Variants in MBTPS2 observed in about 807,000 individuals in gnomAD.
MBTPS2 encodes the protein membrane-bound transcription factor site-2 protease.
MBTPS2 carries 2 observed loss-of-function variants against 35.4 expected under a neutral mutation model. The ratio of observed to expected loss-of-function variants is 0.06; its 90% confidence interval spans 0.02 to 0.18. MBTPS2 has a LOEUF of 0.18. MBTPS2 is among the 10% of genes least tolerant of loss of function. MBTPS2 has a pLI of 1.00. For missense variants in MBTPS2, 244 were observed against 386.5 expected, an observed-to-expected ratio of 0.63 and a Z score of 3.09; for synonymous variants, 125 against 140.4, an observed-to-expected ratio of 0.89 and a Z score of 0.77.
In MBTPS2 at chrX:21,883,992, A is replaced by T; in HGVS notation, c.*1337A>T. On this transcript the variant is annotated 3_prime_UTR_variant, in exon 11 of 11. Coordinates refer to ENST00000379484, the MANE Select transcript of MBTPS2 (RefSeq NM_015884.4). ...GTATACTCAGAAGTGACTAAGGGCAATAACTCATTAATAGCCATCTATCCA... is the reference window on the plus strand; with the variant it reads ...GTATACTCAGAAGTGACTAAGGGCATTAACTCATTAATAGCCATCTATCCA... 1 of 753,502 alleles carries T rather than the reference A, an allele frequency of 1.3e-6. No homozygotes were observed. Among genetic ancestry groups the T allele is most frequent in the Non-Finnish European group, 1.6e-6 (1 of 638,548 alleles). The allele number at this position is 753,502 out of a possible 1,213,427, so 62.1% of individuals were successfully genotyped here.
At chrX:21,873,831 G>T (rs761027653) in intron 7 of MBTPS2, among the ~76,000 whole-genome samples, 10 of 105,392 alleles carry the variant, frequency 9.5e-5, no homozygotes, top group Non-Finnish European at 1.6e-4. Context: ...TGAGAACTCA[G>T]ATTTTTTTTA....
chrX:21,875,078 G>A (rs2092951613), intron 7 of MBTPS2, among the ~76,000 whole-genome samples: 1 of 112,321 alleles, frequency 8.9e-6, no homozygotes, highest in South Asian at 3.7e-4. Context: ...TATGTTAGGA[G>A]GTACTTAATC....
At chrX:21,880,662 G>A (rs1450980467) in intron 9 of MBTPS2, among the ~76,000 whole-genome samples, 3 of 111,414 alleles carry the variant, frequency 2.7e-5, no homozygotes, top group Non-Finnish European at 5.7e-5. Context: ...TCTTACTCTC[G>A]CCTCAAAATG....
At position 21,862,933 on chromosome X, in the gene MBTPS2, CATATATATATAT is replaced by C. The variant is rs542223686; in HGVS notation, c.671-5510_671-5499del. Reference sequence around the variant, plus strand: ...AAATATATAAACATATATATATAAACATATATATATATATATATATATATATATATATATAAA... The same window carrying C: ...AAATATATAAACATATATATATAAACATATATATATATATATATATATAAA... On this transcript the variant is annotated intron_variant, in intron 5 of 10. Transcript: ENST00000379484. Among the ~76,000 whole-genome samples the C allele has an allele frequency of 2.8e-3, 77 of 27,683 alleles. 2 individuals are homozygous for C. Among genetic ancestry groups the C allele is most frequent in the Admixed American group, 6.7e-3 (9 of 1,343 alleles). 24.0% of individuals were successfully genotyped at this position (27,683 alleles called of 115,157 possible). A position where few individuals can be genotyped will look rare whatever the true frequency, so the allele number is the denominator to read the frequency against.
rs1326759799 is a variant in MBTPS2 at position 21,883,220 on chromosome X, A to G, written c.*565A>G. ...TCTATAGAAGAATCTGCTGACGTGAAAGGGAAAAATCTTTGTCAAATGATA... is the reference window on the plus strand; with the variant it reads ...TCTATAGAAGAATCTGCTGACGTGAGAGGGAAAAATCTTTGTCAAATGATA... On this transcript the variant is annotated 3_prime_UTR_variant, in exon 11 of 11. Transcript: ENST00000379484. The G allele has an allele frequency of 1.3e-6, 1 of 756,677 alleles. No homozygotes were observed. The highest frequency in any genetic ancestry group is 1.6e-6 in the Non-Finnish European group (1 of 641,038). 62.4% of individuals were successfully genotyped at this position (756,677 alleles called of 1,213,427 possible).
intron 1 of MBTPS2, among the ~76,000 whole-genome samples, chrX:21,840,085 CG>C (rs1370291293): frequency 8.9e-6 from 1 of 112,159 alleles, no homozygotes; most frequent in Non-Finnish European, 1.9e-5. Flanking sequence ...TCGGGAGGGC[CG>C]GGGCCCTGCC....
chrX:21,854,299 A>C (rs2092917943), intron 5 of MBTPS2, among the ~76,000 whole-genome samples: 1 of 111,889 alleles, frequency 8.9e-6, no homozygotes, highest in Non-Finnish European at 1.9e-5. Flanking sequence ...AGACCAAAGA[A>C]AACAGACCCT....
rs1341791589 is a variant in MBTPS2, at chrX:21,853,364, G to A, written c.543-12G>A. 1.5e-5 allele frequency: 18 copies of A among 1,171,873 alleles called. No individual in the cohort carries two copies. The highest frequency in any genetic ancestry group is 3.0e-5 in the East Asian group (1 of 33,540). On this transcript the variant is annotated splice_polypyrimidine_tract_variant and intron_variant, in intron 4 of 10. Transcript: ENST00000379484. ...GTATTAGTAAACTCCTTTTTCTTAT[G>A]TGATTTCTTAGGGAACAAGTTCGAT...
chrX:21,856,281 GCGCC>G, intron 5 of MBTPS2: 2 of 279,071 alleles, frequency 7.2e-6, no homozygotes, highest in East Asian at 7.5e-5. Context: ...CCTCAGTCTC[GCGCC>G]TTTCTCTGCA....
chrX:21,862,496 A>AG (rs2092932551), intron 5 of MBTPS2, among the ~76,000 whole-genome samples: 1 of 110,370 alleles, frequency 9.1e-6, no homozygotes, highest in African/African-American at 3.3e-5. Flanking sequence ...TAAGATGCTA[A>AG]GGGGAAAAAA....
intron 2 of MBTPS2, among the ~76,000 whole-genome samples, chrX:21,844,019 A>G (rs1006415773): frequency 9.3e-6 from 1 of 107,734 alleles, no homozygotes; most frequent in Non-Finnish European, 1.9e-5. Context: ...GCTAAGGCAC[A>G]AGAATCCTTG....
At position 21,878,076 on chromosome X, in the gene MBTPS2, T is replaced by C. The variant is rs766181795; in HGVS notation, c.1005T>C (p.Cys335=). 10 of 1,208,156 alleles carry C rather than the reference T, an allele frequency of 8.3e-6. No individual in the cohort carries two copies. The highest frequency in any genetic ancestry group is 1.1e-5 in the Non-Finnish European group (10 of 891,952). Reference sequence around the variant, plus strand: ...GACTAGATGGTTCAACTGAATGCTGTAACAATCACAGCCTCACAGATGTGT... The same window carrying C: ...GACTAGATGGTTCAACTGAATGCTGCAACAATCACAGCCTCACAGATGTGT... ...YKRLDGSTEC[C]NNHSLTDVCF... Residue 335 remains cysteine, a synonymous_variant, in exon 8 of 11, where the codon TGT becomes TGC. Transcript: ENST00000379484.
intron 5 of MBTPS2, among the ~76,000 whole-genome samples, chrX:21,865,619 A>G (rs2092938742): frequency 8.9e-6 from 1 of 112,704 alleles, no homozygotes; most frequent in South Asian, 3.6e-4. Flanking sequence ...GATTATAGTA[A>G]GCTGGAATTT....
intron 5 of MBTPS2, 151 bp downstream of exon 5, chrX:21,853,654 G>A: frequency 3.9e-6 from 2 of 514,427 alleles, no homozygotes; most frequent in Non-Finnish European, 6.5e-6. Context: ...AAGTAGAGGA[G>A]TAAAATAATT....
At chrX:21,880,508 A>T (rs1204168412) in intron 9 of MBTPS2, among the ~76,000 whole-genome samples, 1 of 111,074 alleles carries the variant, frequency 9.0e-6, no homozygotes, top group Admixed American at 9.6e-5. Context: ...AGTAGATGAG[A>T]CTTTAAATCC....
At chrX:21,857,043 A>C in intron 5 of MBTPS2, 1 of 1,211,803 alleles carries the variant, frequency 8.3e-7, no homozygotes, top group Non-Finnish European at 1.1e-6. Context: ...TTCCGTGACT[A>C]TGTGGTCCCC....
In MBTPS2 at chrX:21,856,894, G is replaced by A. The variant is rs1602142882; in HGVS notation, c.670+3391G>A. 5.0e-6 allele frequency: 6 copies of A among 1,211,551 alleles called. No individual in the cohort carries two copies. The East Asian group carries it at 1.5e-4, about 30-fold the overall frequency. On this transcript the variant is annotated intron_variant, in intron 5 of 10. Transcript: ENST00000379484. Reference sequence around the variant, plus strand: ...TCAACATCAACATCAACCCAGAGCCGCAGCAAAAAGCCCAGCAAAAAGCCC... The same window carrying A: ...TCAACATCAACATCAACCCAGAGCCACAGCAAAAAGCCCAGCAAAAAGCCC...
chrX:21,881,101 T>C, intron 10 of MBTPS2, 129 bp downstream of exon 10: 2 of 520,822 alleles, frequency 3.8e-6, no homozygotes, highest in East Asian at 7.2e-5. Flanking sequence ...TAAAAAAGAG[T>C]CTTGAAAGAT....
At chrX:21,852,268 A>G (rs1007855518) in intron 4 of MBTPS2, among the ~76,000 whole-genome samples, 2 of 111,848 alleles carry the variant, frequency 1.8e-5, no homozygotes, top group African/African-American at 6.5e-5. Flanking sequence ...ACCTCCACTG[A>G]TAATTACGGC....
Sources: gnomAD v4.1 joint callset for allele counts (sites outside exome capture counted in the v4.1 genomes callset) on GRCh38, gnomAD v4.1.1 for gene constraint, MANE v1.5 for transcripts, NCBI Gene and HGNC (gene_info 2026-07-23, HGNC 2026-07-21) for gene names.